Variants in KIAA2012 observed in about 807,000 individuals in gnomAD.
KIAA2012 encodes the protein uncharacterized protein KIAA2012.
In KIAA2012, 125 loss-of-function variants were observed where a neutral mutation model predicts 150.6. That is an observed-to-expected ratio of 0.83 (90% CI 0.72 to 0.96). KIAA2012 has a LOEUF of 0.96. Among genes scored for constraint, KIAA2012 ranks in the 40% least tolerant of loss-of-function variants. The probability of loss-of-function intolerance (pLI) is 0.00; values close to 1 mark genes in which losing one functional copy is unlikely to be tolerated. For synonymous variants in KIAA2012, 462 were observed against 504.7 expected (o/e 0.92, Z 1.13); for missense variants, 1,219 against 1,354.9 (o/e 0.90, Z 1.57).
intron 17 of KIAA2012, among the ~76,000 whole-genome samples, chr2:202,187,633 G>A (rs1224801669): frequency 3.9e-5 from 6 of 152,184 alleles, no homozygotes; most frequent in Admixed American, 3.9e-4. Context: ...CAAAGGTACT[G>A]AGTGGGTAGT....
At chr2:202,095,372 G>A (rs920083400) in intron 4 of KIAA2012, among the ~76,000 whole-genome samples, 2 of 152,208 alleles carry the variant, frequency 1.3e-5, no homozygotes, top group Non-Finnish European at 2.9e-5. Context: ...CCAATAATGT[G>A]ATGCTGGCTA....
chr2:202,084,248 C>T (rs567722127), intron 2 of KIAA2012, among the ~76,000 whole-genome samples: 2 of 152,280 alleles, frequency 1.3e-5, no homozygotes, highest in South Asian at 2.1e-4. Context: ...TTCCTGGGGA[C>T]TCTGGCTCCC....
intron 22 of KIAA2012, chr2:202,201,525 G>A (rs1357728823): frequency 1.9e-6 from 3 of 1,608,568 alleles, no homozygotes; most frequent in Non-Finnish European, 2.6e-6. Context: ...GTTGCCAGCA[G>A]TAGCCCCAGC....
At chr2:202,085,951 C>T (rs1240336827) in intron 2 of KIAA2012, among the ~76,000 whole-genome samples, 1 of 151,852 alleles carries the variant, frequency 6.6e-6, no homozygotes, top group Non-Finnish European at 1.5e-5. Context: ...AGGCGGATCA[C>T]GAGGTCAGGA....
In KIAA2012 at chr2:202,128,551, C is replaced by T. The variant is rs183111140; in HGVS notation, c.1831+3269C>T. Among the ~76,000 whole-genome samples the T allele has an allele frequency of 5.9e-5, 9 of 152,132 alleles. No homozygotes were observed. The East Asian group carries it at 1.2e-3, about 20-fold the overall frequency. ...CATCTCAAAGTGCTGGGATTACAGG[C>T]GTGAGGCACCACACTCAGTCACTAG... On this transcript the variant is annotated intron_variant, in intron 12 of 23. Transcript: ENST00000498697.
intron 23 of KIAA2012, among the ~76,000 whole-genome samples, chr2:202,203,012 A>G (rs1201106863): frequency 6.6e-6 from 1 of 151,942 alleles, no homozygotes; most frequent in African/African-American, 2.4e-5. Context: ...CACCTAAGAT[A>G]TTCTCTACTC....
chr2:202,122,258 CAAG>C (rs1690670114), intron 11 of KIAA2012, among the ~76,000 whole-genome samples: 1 of 152,160 alleles, frequency 6.6e-6, no homozygotes. Flanking sequence ...AAGGAACAGA[CAAG>C]AGAAAAGGCA....
At chr2:202,131,372 C>T (rs1253441868) in intron 12 of KIAA2012, among the ~76,000 whole-genome samples, 3 of 152,072 alleles carry the variant, frequency 2.0e-5, no homozygotes, top group Non-Finnish European at 4.4e-5. Context: ...AACTCCTGAG[C>T]TCAGGTGATC....
chr2:202,138,569 C>A, intron 13 of KIAA2012, 61 bp downstream of exon 13: 2 of 1,320,096 alleles, frequency 1.5e-6, no homozygotes, highest in South Asian at 1.3e-5. Context: ...GTTCTTGTTT[C>A]AGCTTGCTGT....
At chr2:202,147,516 T>C (rs1241492266) in intron 13 of KIAA2012, among the ~76,000 whole-genome samples, 1 of 152,128 alleles carries the variant, frequency 6.6e-6, no homozygotes, top group Non-Finnish European at 1.5e-5. Flanking sequence ...GCCAGGAAAG[T>C]AAAAGAAAGG....
intron 13 of KIAA2012, among the ~76,000 whole-genome samples, chr2:202,140,877 C>T (rs898270918): frequency 6.6e-6 from 1 of 152,034 alleles, no homozygotes; most frequent in Admixed American, 6.6e-5. Context: ...CCACTGGCTG[C>T]CCCCTCCCTC....
At chr2:202,113,291 A>G (rs1164519285) in intron 10 of KIAA2012, 45 bp from the exon 11 acceptor site, 3 of 1,472,014 alleles carry the variant, frequency 2.0e-6, no homozygotes, top group Non-Finnish European at 2.8e-6. Context: ...TGTCTCCCTC[A>G]CCAACACGGT....
chr2:202,160,753 A>G (rs764761180), intron 14 of KIAA2012, among the ~76,000 whole-genome samples: 10 of 152,210 alleles, frequency 6.6e-5, no homozygotes. Flanking sequence ...AGTCATTTAT[A>G]TTCATGTATC....
rs11687693 is a variant in KIAA2012, at chr2:202,123,134, G to A, written c.1763-2080G>A. Among the ~76,000 whole-genome samples, 5 of 152,100 alleles carry A rather than the reference G, an allele frequency of 3.3e-5. No individual in the cohort carries two copies. The South Asian group carries it at 1.0e-3, about 32-fold the overall frequency. On this transcript the variant is annotated intron_variant, in intron 11 of 23. Coordinates refer to ENST00000498697, the MANE Select transcript of KIAA2012 (RefSeq NM_001277372.4). ...GCTGTGGTAAATAATGAGTTCTAAG[G>A]AAAACCCTGAGAGCAAACTTCTTGG...
At chr2:202,121,848 G>A (rs1195148292) in intron 11 of KIAA2012, among the ~76,000 whole-genome samples, 4 of 152,228 alleles carry the variant, frequency 2.6e-5, no homozygotes, top group African/African-American at 9.7e-5. Flanking sequence ...CATCACAGAG[G>A]CCTAAGAGCA....
rs756488180 is a variant in KIAA2012, at chr2:202,193,325, G to A, written c.2836G>A (p.Glu946Lys). Residue 946 changes from glutamate (E) to lysine (K), a missense_variant, in exon 20 of 24, where the codon GAG becomes AAG. Glu to Lys is a moderately conservative substitution (Grantham distance 56). Transcript: ENST00000498697. ...SKALLTKREQ[E>K]KASWDRLRAE... Reference sequence around the variant, plus strand: ...GGCCCTCCTCACTAAGAGGGAGCAGGAGAAGGCTTCCTGGGACAGGCTTCG... The same window carrying A: ...GGCCCTCCTCACTAAGAGGGAGCAGAAGAAGGCTTCCTGGGACAGGCTTCG... The A allele has an allele frequency of 2.6e-6, 4 of 1,549,842 alleles. No homozygotes were observed. Among genetic ancestry groups the A allele is most frequent in the Admixed American group, 3.9e-5 (2 of 50,992 alleles).
intron 17 of KIAA2012, among the ~76,000 whole-genome samples, chr2:202,187,351 C>A (rs1692249071): frequency 6.6e-6 from 1 of 152,096 alleles, no homozygotes; most frequent in Non-Finnish European, 1.5e-5. Context: ...GTTGCCCAGG[C>A]TGGAGTGCAG....
chr2:202,159,786 G>A (rs949931392), intron 14 of KIAA2012, among the ~76,000 whole-genome samples: 16 of 152,316 alleles, frequency 1.1e-4, no homozygotes, highest in Admixed American at 5.9e-4. Context: ...AGGTTGCAGT[G>A]AGCTGAGATC....
At position 202,109,731 on chromosome 2, in the gene KIAA2012, C is replaced by T; in HGVS notation, c.1593C>T (p.Asn531=). ...GVDSPRTSDH[N]SPPSLPNMRV... Reference sequence around the variant, plus strand: ...ACAGCCCTAGGACATCAGACCACAACAGCCCCCCAAGTCTCCCGAACATGA... The same window carrying T: ...ACAGCCCTAGGACATCAGACCACAATAGCCCCCCAAGTCTCCCGAACATGA... Residue 531 remains asparagine, a synonymous_variant, in exon 10 of 24, where the codon AAC becomes AAT. Coordinates refer to ENST00000498697, the MANE Select transcript of KIAA2012 (RefSeq NM_001277372.4). 6.5e-7 allele frequency: 1 copy of T among 1,550,332 alleles called. No individual in the cohort carries two copies. The highest frequency in any genetic ancestry group is 8.7e-7 in the Non-Finnish European group (1 of 1,146,874).
Sources: allele counts gnomAD v4.1 joint callset (sites outside exome capture counted in the v4.1 genomes callset), GRCh38; gene constraint gnomAD v4.1.1; transcripts MANE v1.5; gene names NCBI Gene and HGNC (gene_info 2026-07-23, HGNC 2026-07-21).